The following DNAH3 variants were observed in gnomAD, a reference collection of about 807,000 sequenced individuals.
DNAH3 encodes the protein dynein axonemal heavy chain 3.
A neutral mutation model predicts 432.5 loss-of-function variants in DNAH3; 332 were observed. The ratio of observed to expected loss-of-function variants is 0.77; its 90% CI spans 0.70 to 0.84. The LOEUF (loss-of-function observed/expected upper bound fraction) is 0.84. Among genes scored for constraint, DNAH3 ranks in the 40% least tolerant of loss-of-function variants. The pLI, the probability that DNAH3 is intolerant of heterozygous loss-of-function variation, is 0.00. For missense variants in DNAH3, 4,861 were observed against 5,114.0 expected, an observed-to-expected ratio of 0.95 and a Z score of 1.51; for synonymous variants, 1,956 against 1,900.2, an observed-to-expected ratio of 1.03 and a Z score of -0.76.
At chr16:21,009,124 T>C (rs775250183) in intron 41 of DNAH3, among the ~76,000 whole-genome samples, 4 of 152,228 alleles carry the variant, frequency 2.6e-5, no homozygotes, top group Non-Finnish European at 4.4e-5. Flanking sequence ...ATAATCTGTA[T>C]ACATGAGTAT....
At chr16:21,050,111 G>T in intron 29 of DNAH3, 93 bp from the exon 30 acceptor site, 1 of 937,350 alleles carries the variant, frequency 1.1e-6, no homozygotes, top group Non-Finnish European at 1.6e-6. Context: ...CAAATATTTA[G>T]GTTAGTGCAA....
Position 21,049,572 on chromosome 16 carries a change from G to C in DNAH3, c.4458C>G (p.Ile1486Met), listed in dbSNP as rs781116252. The C allele has an allele frequency of 3.7e-6, 6 of 1,613,636 alleles. No individual in the cohort carries two copies. In the Admixed American group the frequency reaches 8.3e-5, roughly 22 times the overall value. ...TGCAGCCTAGAGGCAGAGTTACCTC[G>C]ATCCTGTTGAACTCATCAAAGCACG... Residue 1486 changes from isoleucine to methionine, a missense_variant, in exon 31 of 62, where the codon ATC becomes ATG. By Grantham distance (10) the Ile-to-Met change is conservative. Transcript: ENST00000261383.
At chr16:21,134,266 A>C in exon 7 of DNAH3, 1 of 1,609,290 alleles carries the variant, frequency 6.2e-7, no homozygotes, top group Non-Finnish European at 8.5e-7. Flanking sequence ...TACTCTGCAA[A>C]CCACAGTTCT....
intron 11 of DNAH3, among the ~76,000 whole-genome samples, chr16:21,119,255 G>A (rs1458604806): frequency 6.6e-6 from 1 of 152,192 alleles, no homozygotes; most frequent in Non-Finnish European, 1.5e-5. Flanking sequence ...TCAAACTTAA[G>A]AGGATGAAAT....
At chr16:20,992,868 T>G (rs1326201065) in intron 44 of DNAH3, among the ~76,000 whole-genome samples, 1 of 152,178 alleles carries the variant, frequency 6.6e-6, no homozygotes, top group Non-Finnish European at 1.5e-5. Context: ...TAGTTTTTGT[T>G]GTTGATTCAT....
At chr16:21,011,011 T>A (rs1567632954) in intron 41 of DNAH3, among the ~76,000 whole-genome samples, 2 of 152,056 alleles carry the variant, frequency 1.3e-5, no homozygotes, top group African/African-American at 4.8e-5. Context: ...GTTTGTTTTA[T>A]GCTGCATCTG....
chr16:21,123,845 G>C (rs142695289), intron 9 of DNAH3, among the ~76,000 whole-genome samples: 3 of 151,980 alleles, frequency 2.0e-5, no homozygotes, highest in African/African-American at 7.2e-5. Context: ...GCTGGAGCCA[G>C]GCAGTGGCGT....
rs2084697846 is a variant in DNAH3 at position 20,959,129 on chromosome 16, A to C, written c.10826+50T>G. On this transcript the variant is annotated intron_variant, in intron 54 of 61. Transcript: ENST00000261383. ...GGTCATCTTCCCAGCCACCATCCTGATGTCTGGAGGTTGGGTCCCAGAGAA... is the reference window on the plus strand; with the variant it reads ...GGTCATCTTCCCAGCCACCATCCTGCTGTCTGGAGGTTGGGTCCCAGAGAA... The C allele has an allele frequency of 3.2e-6, 5 of 1,567,236 alleles. No homozygotes were observed. In the East Asian group the frequency reaches 1.1e-4, roughly 35 times the overall value.
intron 18 of DNAH3, among the ~76,000 whole-genome samples, chr16:21,095,652 T>C (rs1334107357): frequency 6.6e-6 from 1 of 152,228 alleles, no homozygotes; most frequent in Non-Finnish European, 1.5e-5. Flanking sequence ...ACTGTTAAAA[T>C]TCATAGAAAT....
At position 20,997,307 on chromosome 16, in the gene DNAH3, C is replaced by CG; in HGVS notation, c.6576dup (p.Gly2193ArgfsTer6). On this transcript the variant is annotated frameshift_variant, in exon 44 of 62. Transcript: ENST00000261383. LOFTEE classifies it high-confidence loss of function. Reference sequence around the variant, plus strand: ...CCAGTAATGTCATTCCTTCCTCCCCCGGGGGGCCCCATGGCTGTCACGAGC... The same window carrying CG: ...CCAGTAATGTCATTCCTTCCTCCCCCGGGGGGGCCCCATGGCTGTCACGAGC... The CG allele has an allele frequency of 1.2e-6, 2 of 1,614,064 alleles. No individual in the cohort carries two copies. Among genetic ancestry groups the CG allele is most frequent in the Admixed American group, 1.7e-5 (1 of 60,008 alleles).
intron 7 of DNAH3, among the ~76,000 whole-genome samples, chr16:21,130,760 T>C (rs1391709655): frequency 1.3e-5 from 2 of 152,214 alleles, no homozygotes; most frequent in African/African-American, 4.8e-5. Flanking sequence ...GGCTCAACAA[T>C]TTGCCGTCTT....
At chr16:21,037,677 G>A in intron 34 of DNAH3, 84 bp downstream of exon 34, 1 of 1,152,070 alleles carries the variant, frequency 8.7e-7, no homozygotes, top group Non-Finnish European at 1.3e-6. Flanking sequence ...GATGGAAGAG[G>A]GTATGGGGAA....
intron 11 of DNAH3, chr16:21,120,663 G>C: frequency 9.0e-7 from 1 of 1,115,484 alleles, no homozygotes; most frequent in East Asian, 2.4e-5. Flanking sequence ...TATTCACATA[G>C]GCCTTGTTTT....
chr16:21,133,570 A>G (rs969410529), intron 7 of DNAH3, among the ~76,000 whole-genome samples: 6 of 152,076 alleles, frequency 3.9e-5, no homozygotes, highest in Admixed American at 3.9e-4. Context: ...GAGAAACCCC[A>G]TCTTGACTAA....
At chr16:21,003,118 G>A in exon 42 of DNAH3, 1 of 1,609,520 alleles carries the variant, frequency 6.2e-7, no homozygotes, top group Non-Finnish European at 8.5e-7. Context: ...GCACCAGCTG[G>A]AACTTTTTCC....
intron 59 of DNAH3, among the ~76,000 whole-genome samples, chr16:20,940,071 T>C (rs2083747334): frequency 6.6e-6 from 1 of 152,194 alleles, no homozygotes; most frequent in African/African-American, 2.4e-5. Flanking sequence ...GATGAACGTC[T>C]CCCACCCCTT....
At chr16:20,956,668 T>C (rs1303099577) in intron 54 of DNAH3, among the ~76,000 whole-genome samples, 1 of 152,178 alleles carries the variant, frequency 6.6e-6, no homozygotes, top group Admixed American at 6.5e-5. Context: ...ACAACATTCT[T>C]TTCTTTTTTT....
chr16:21,020,872 C>G (rs2088179478), intron 40 of DNAH3, among the ~76,000 whole-genome samples: 1 of 152,090 alleles, frequency 6.6e-6, no homozygotes, highest in Non-Finnish European at 1.5e-5. Context: ...GCTCTTTGCC[C>G]ATTAAACAAT....
At chr16:20,989,756 A>G (rs1453721705) in intron 44 of DNAH3, among the ~76,000 whole-genome samples, 2 of 152,228 alleles carry the variant, frequency 1.3e-5, no homozygotes, top group South Asian at 2.1e-4. Context: ...AGGCTCAGGC[A>G]TGGCGGGCTG....
Sources: gnomAD v4.1 joint callset for allele counts (sites outside exome capture counted in the v4.1 genomes callset) on GRCh38, gnomAD v4.1.1 for gene constraint, MANE v1.5 for transcripts, NCBI Gene and HGNC (gene_info 2026-07-23, HGNC 2026-07-21) for gene names.